The following SCNN1B variants were observed in gnomAD, a reference collection of about 807,000 sequenced individuals.
SCNN1B encodes sodium channel epithelial 1 subunit beta, also known as epithelial sodium channel subunit beta.
In SCNN1B, 46 loss-of-function variants were observed where a neutral mutation model predicts 65.3. The ratio of observed to expected loss-of-function variants is 0.70; its 90% CI spans 0.56 to 0.90. The LOEUF is 0.90. Ranked by LOEUF, SCNN1B falls within the 40% of genes least tolerant of loss-of-function variation. The pLI, the probability that SCNN1B is intolerant of heterozygous loss-of-function variation, is 0.00. For missense variants in SCNN1B, 751 were observed against 830.5 expected, an observed-to-expected ratio of 0.90 and a Z score of 1.18; for synonymous variants, 349 against 330.6, an observed-to-expected ratio of 1.06 and a Z score of -0.60.
intron 4 of SCNN1B, among the ~76,000 whole-genome samples, chr16:23,362,338 A>T (rs1010664472): frequency 2.4e-4 from 37 of 152,096 alleles, no homozygotes; most frequent in Middle Eastern, 3.4e-3. Context: ...TCAAAAAAAA[A>T]AAAAATAAAG....
At chr16:23,339,148 C>T (rs556892969) in intron 1 of SCNN1B, among the ~76,000 whole-genome samples, 1 of 152,262 alleles carries the variant, frequency 6.6e-6, no homozygotes, top group African/African-American at 2.4e-5. Flanking sequence ...ACGTGTTTAG[C>T]TTTTTACTCG....
intron 7 of SCNN1B, among the ~76,000 whole-genome samples, chr16:23,372,471 GCAT>G: frequency 6.7e-6 from 1 of 150,306 alleles, no homozygotes; most frequent in South Asian, 2.1e-4. Flanking sequence ...CAGTTCAAAT[GCAT>G]CATCAATTTA....
intron 1 of SCNN1B, among the ~76,000 whole-genome samples, chr16:23,330,102 T>C (rs1199735115): frequency 6.6e-6 from 1 of 152,056 alleles, no homozygotes; most frequent in Non-Finnish European, 1.5e-5. Flanking sequence ...CATTGTTGAC[T>C]GTGGCTCCAG....
At chr16:23,376,564 A>G (rs1962900235) in intron 8 of SCNN1B, among the ~76,000 whole-genome samples, 1 of 151,982 alleles carries the variant, frequency 6.6e-6, no homozygotes. Context: ...TGGGCTCACA[A>G]CCAATTGGAG....
intron 1 of SCNN1B, chr16:23,303,969 G>A (rs1057134174): frequency 1.1e-6 from 1 of 948,388 alleles, no homozygotes; most frequent in East Asian, 2.6e-5. Flanking sequence ...ATGTCATTCT[G>A]CAACTTGAGC....
At chr16:23,326,409 T>G (rs1413259535) in intron 1 of SCNN1B, among the ~76,000 whole-genome samples, 1 of 152,210 alleles carries the variant, frequency 6.6e-6, no homozygotes, top group African/African-American at 2.4e-5. Flanking sequence ...ATCTGTGTTA[T>G]TTTTCCTATG....
chr16:23,283,372 C>T (rs1048497471), intron 1 of SCNN1B, among the ~76,000 whole-genome samples: 1 of 152,218 alleles, frequency 6.6e-6, no homozygotes, highest in Non-Finnish European at 1.5e-5. Flanking sequence ...GATCACGACA[C>T]TGCACTCCAG....
At chr16:23,368,019 G>C (rs1012990273) in intron 5 of SCNN1B, 60 bp downstream of exon 5, 1 of 1,285,270 alleles carries the variant, frequency 7.8e-7, no homozygotes, top group Non-Finnish European at 1.1e-6. Flanking sequence ...CCACAATGTG[G>C]GACTGAAAGA....
At chr16:23,345,706 A>G (rs772960437) in intron 1 of SCNN1B, among the ~76,000 whole-genome samples, 1 of 152,124 alleles carries the variant, frequency 6.6e-6, no homozygotes, top group Non-Finnish European at 1.5e-5. Flanking sequence ...CAGCCTGGCA[A>G]CTCACACCAA....
In SCNN1B at chr16:23,365,474, G is replaced by A. The variant is rs528047774; in HGVS notation, c.777-2382G>A. ...GAGAAGGAGAAAGAGAAAGAAAAGA[G>A]AGAAAGAAAAAGAAGAAAAGAAAGA... On this transcript the variant is annotated intron_variant, in intron 4 of 12. Coordinates refer to ENST00000343070, the MANE Select transcript of SCNN1B (RefSeq NM_000336.3). 7.3e-5 allele frequency among the ~76,000 whole-genome samples: 9 copies of A among 123,918 alleles called. No individual in the cohort carries two copies. The East Asian group carries it at 2.0e-3, about 28-fold the overall frequency. 81.3% of individuals were successfully genotyped at this position (123,918 alleles called of 152,430 possible). A position where few individuals can be genotyped will look rare whatever the true frequency, so the allele number is the denominator to read the frequency against.
chr16:23,295,966 C>T (rs139695810), intron 2 of SCNN1B, among the ~76,000 whole-genome samples: 423 of 152,306 alleles, frequency 2.8e-3, no homozygotes, highest in African/African-American at 9.7e-3. Flanking sequence ...CTCTGAGCTG[C>T]CAGGTGAGTC....
chr16:23,349,447 A>C (rs1281268391), intron 2 of SCNN1B, among the ~76,000 whole-genome samples: 1 of 152,210 alleles, frequency 6.6e-6, no homozygotes, highest in Non-Finnish European at 1.5e-5. Context: ...AGATGGCGCC[A>C]CTTGAGTTTC....
At chr16:23,338,898 G>A (rs1244823821) in intron 1 of SCNN1B, among the ~76,000 whole-genome samples, 1 of 152,202 alleles carries the variant, frequency 6.6e-6, no homozygotes, top group Non-Finnish European at 1.5e-5. Flanking sequence ...ACATATAATA[G>A]AATGCATCCA....
At chr16:23,375,494 G>A (rs571383408) in intron 7 of SCNN1B, among the ~76,000 whole-genome samples, 10 of 152,278 alleles carry the variant, frequency 6.6e-5, no homozygotes, top group Admixed American at 2.0e-4. Context: ...GGGATACTGC[G>A]GTCTGGCCTG....
chr16:23,322,502 G>C (rs1316392019), intron 1 of SCNN1B, among the ~76,000 whole-genome samples: 5 of 151,892 alleles, frequency 3.3e-5, no homozygotes, highest in Non-Finnish European at 5.9e-5. Context: ...GTAGGGACAG[G>C]GTCTTGCTAT....
chr16:23,296,231 G>C (rs951239036), intron 2 of SCNN1B, among the ~76,000 whole-genome samples: 1 of 152,098 alleles, frequency 6.6e-6, no homozygotes, highest in African/African-American at 2.4e-5. Flanking sequence ...TCAGGGAGGT[G>C]GGGGGCGCCA....
chr16:23,369,171 G>A (rs969913632), intron 5 of SCNN1B, among the ~76,000 whole-genome samples: 1 of 152,094 alleles, frequency 6.6e-6, no homozygotes, highest in Non-Finnish European at 1.5e-5. Flanking sequence ...GCAGTGGCAC[G>A]GTCATGGCTC....
At chr16:23,374,818 T>C (rs1423422684) in intron 7 of SCNN1B, among the ~76,000 whole-genome samples, 2 of 149,808 alleles carry the variant, frequency 1.3e-5, no homozygotes, top group Non-Finnish European at 3.0e-5. Flanking sequence ...TGGAGAGAGG[T>C]AGGGAGGAGC....
Position 23,352,952 on chromosome 16 carries a change from G to C in SCNN1B, c.463G>C (p.Glu155Gln). 6.2e-7 allele frequency: 1 copy of C among 1,614,146 alleles called. No homozygotes were observed. The highest frequency in any genetic ancestry group is 8.5e-7 in the Non-Finnish European group (1 of 1,180,022). The change falls in exon 3 of 13, where the codon GAA becomes CAA. Residue 155 changes from glutamate to glutamine, a missense_variant. Coordinates refer to ENST00000343070, the MANE Select transcript of SCNN1B (RefSeq NM_000336.3). ...CCACACACCCCTGGTCCTTATTGAT[G>C]AACGGAACCCCCACCACCCCATGGT... ...WNHTPLVLID[E>Q]RNPHHPMVLD...
Sources: allele counts gnomAD v4.1 joint callset (sites outside exome capture counted in the v4.1 genomes callset), GRCh38; gene constraint gnomAD v4.1.1; transcripts MANE v1.5; gene names NCBI Gene and HGNC (gene_info 2026-07-23, HGNC 2026-07-21).